TRPC4: variants seen among roughly 807,000 people sequenced by gnomAD.
The protein encoded by TRPC4 is short transient receptor potential channel 4.
Under a neutral mutation model 99.4 loss-of-function variants are expected in TRPC4, and 49 were observed. The ratio of observed to expected loss-of-function variants is 0.49; its 90% CI spans 0.39 to 0.63. The LOEUF is 0.63. Among genes scored for constraint, TRPC4 ranks in the 20% least tolerant of loss-of-function variants. TRPC4 has a pLI of 0.00. For missense variants in TRPC4, 898 were observed against 1,152.9 expected, an observed-to-expected ratio of 0.78 and a Z score of 3.20; for synonymous variants, 454 against 425.9, an observed-to-expected ratio of 1.07 and a Z score of -0.81.
At chr13:37,779,279 G>C (rs1956778986) in intron 2 of TRPC4, among the ~76,000 whole-genome samples, 1 of 151,968 alleles carries the variant, frequency 6.6e-6, no homozygotes, top group Non-Finnish European at 1.5e-5. Context: ...TCCCTCTAGA[G>C]AAATAAGGTA....
intron 3 of TRPC4, among the ~76,000 whole-genome samples, chr13:37,737,485 A>G (rs550403269): frequency 6.6e-6 from 1 of 152,102 alleles, no homozygotes; most frequent in South Asian, 2.1e-4. Context: ...ATTTTATTTT[A>G]TTAATTTGAC....
At chr13:37,852,516 C>T (rs1250882530) in intron 1 of TRPC4, among the ~76,000 whole-genome samples, 1 of 152,158 alleles carries the variant, frequency 6.6e-6, no homozygotes, top group African/African-American at 2.4e-5. Context: ...ATGCTGGCTT[C>T]AGATGTGACC....
intron 1 of TRPC4, among the ~76,000 whole-genome samples, chr13:37,790,647 A>T (rs1243000710): frequency 6.6e-6 from 1 of 152,108 alleles, no homozygotes; most frequent in Non-Finnish European, 1.5e-5. Flanking sequence ...ACCAATCATA[A>T]ACTATTAGGT....
At chr13:37,802,896 A>AT (rs1957440316) in intron 1 of TRPC4, among the ~76,000 whole-genome samples, 1 of 151,542 alleles carries the variant, frequency 6.6e-6, no homozygotes, top group Non-Finnish European at 1.5e-5. Flanking sequence ...TCTAAGGGTG[A>AT]TTTTCTATTT....
intron 1 of TRPC4, among the ~76,000 whole-genome samples, chr13:37,818,717 T>C (rs1957932072): frequency 6.6e-6 from 1 of 151,868 alleles, no homozygotes; most frequent in South Asian, 2.1e-4. Context: ...AACCAAACAT[T>C]GTTTGTTCTC....
chr13:37,828,197 G>A (rs938552397), intron 1 of TRPC4, among the ~76,000 whole-genome samples: 14 of 152,150 alleles, frequency 9.2e-5, no homozygotes, highest in African/African-American at 2.9e-4. Context: ...AGATGAACCC[G>A]GTACCTCAGA....
intron 3 of TRPC4, among the ~76,000 whole-genome samples, chr13:37,722,735 C>G (rs896014425): frequency 1.3e-5 from 2 of 151,810 alleles, no homozygotes; most frequent in Non-Finnish European, 2.9e-5. Context: ...GATCAAGTAA[C>G]AACTATTGTT....
At chr13:37,714,685 CA>C (rs1324608726) in intron 3 of TRPC4, among the ~76,000 whole-genome samples, 1 of 152,156 alleles carries the variant, frequency 6.6e-6, no homozygotes, top group Non-Finnish European at 1.5e-5. Context: ...TTTCTGCCAT[CA>C]AAGTATCACC....
At chr13:37,707,019 A>C (rs1478860972) in intron 3 of TRPC4, among the ~76,000 whole-genome samples, 1 of 152,144 alleles carries the variant, frequency 6.6e-6, no homozygotes, top group Non-Finnish European at 1.5e-5. Context: ...CTAATGAAAA[A>C]ATGAAGTTTC....
At chr13:37,717,226 T>G (rs1214699484) in intron 3 of TRPC4, among the ~76,000 whole-genome samples, 1 of 152,170 alleles carries the variant, frequency 6.6e-6, no homozygotes, top group Non-Finnish European at 1.5e-5. Flanking sequence ...ATACTGAAGC[T>G]TTTCACAGAG....
At chr13:37,691,608 A>G (rs1396983239) in intron 4 of TRPC4, among the ~76,000 whole-genome samples, 1 of 152,084 alleles carries the variant, frequency 6.6e-6, no homozygotes, top group Non-Finnish European at 1.5e-5. Flanking sequence ...TACTTTATGT[A>G]TAGAATCACT....
chr13:37,835,511 C>T (rs1566210037), intron 1 of TRPC4, among the ~76,000 whole-genome samples: 1 of 152,186 alleles, frequency 6.6e-6, no homozygotes. Context: ...TATCCTGTCA[C>T]ATGTCTTTCC....
chr13:37,827,065 C>T (rs548252128), intron 1 of TRPC4, among the ~76,000 whole-genome samples: 20 of 152,136 alleles, frequency 1.3e-4, no homozygotes, highest in African/African-American at 2.9e-4. Flanking sequence ...TTGATCGCAT[C>T]GGCTCCTGAG....
chr13:37,782,120 C>T (rs573510815), intron 2 of TRPC4, among the ~76,000 whole-genome samples: 9 of 151,996 alleles, frequency 5.9e-5, no homozygotes, highest in African/African-American at 9.6e-5. Context: ...AAGGAAGTGA[C>T]GAGTACAGTG....
Position 37,745,800 on chromosome 13 carries a change from G to A in TRPC4, c.897+137C>T, listed in dbSNP as rs138921607. On this transcript the variant is annotated intron_variant, in intron 3 of 10. Coordinates refer to ENST00000379705, the MANE Select transcript of TRPC4 (RefSeq NM_016179.4). ...CAATGTGATTCATAATTATTAATCC[G>A]GTAGACAATAAATGTCATCCACTTA... 2.2e-4 allele frequency: 204 copies of A among 947,744 alleles called. No individual in the cohort carries two copies. In the East Asian group the frequency reaches 2.6e-3, roughly 12 times the overall value. The allele number at this position is 947,744 out of a possible 1,614,324, so 58.7% of individuals were successfully genotyped here.
chr13:37,821,675 T>C (rs1958015052), intron 1 of TRPC4, among the ~76,000 whole-genome samples: 2 of 152,156 alleles, frequency 1.3e-5, no homozygotes, highest in Admixed American at 6.6e-5. Context: ...TACATTCATC[T>C]GGTCATTGAT....
chr13:37,750,359 A>G (rs1369168559), intron 2 of TRPC4, among the ~76,000 whole-genome samples: 1 of 152,120 alleles, frequency 6.6e-6, no homozygotes, highest in East Asian at 1.9e-4. Flanking sequence ...TTTGTGTCAC[A>G]CAGTTTTCTT....
intron 1 of TRPC4, among the ~76,000 whole-genome samples, chr13:37,835,370 A>C (rs1161535312): frequency 6.6e-6 from 1 of 152,136 alleles, no homozygotes; most frequent in Non-Finnish European, 1.5e-5. Flanking sequence ...TTAATGGTTC[A>C]TGTATGCTTG....
intron 3 of TRPC4, among the ~76,000 whole-genome samples, chr13:37,708,370 T>C (rs1191048273): frequency 3.3e-5 from 5 of 152,124 alleles, no homozygotes; most frequent in Non-Finnish European, 7.4e-5. Context: ...CTCCAAACTT[T>C]ACAATGCAAT....
Sources: gnomAD v4.1 joint callset for allele counts (sites outside exome capture counted in the v4.1 genomes callset) on GRCh38, gnomAD v4.1.1 for gene constraint, MANE v1.5 for transcripts, NCBI Gene and HGNC (gene_info 2026-07-23, HGNC 2026-07-21) for gene names.